RABGEF1: variants seen among roughly 807,000 people sequenced by gnomAD.
The protein encoded by RABGEF1 is rab5 GDP/GTP exchange factor.
In RABGEF1, 26 loss-of-function variants were observed where a neutral mutation model predicts 57.3. The ratio of observed to expected loss-of-function variants is 0.45; its 90% CI spans 0.33 to 0.63. The LOEUF (loss-of-function observed/expected upper bound fraction) is 0.63, where lower values mean the gene tolerates loss of function less well. RABGEF1 is among the 20% of genes least tolerant of loss of function. The pLI, the probability that RABGEF1 is intolerant of heterozygous loss-of-function variation, is 0.02. For missense variants in RABGEF1, 464 were observed against 607.6 expected, an observed-to-expected ratio of 0.76 and a Z score of 2.48; for synonymous variants, 185 against 210.7, an observed-to-expected ratio of 0.88 and a Z score of 1.06.
intron 2 of RABGEF1, among the ~76,000 whole-genome samples, chr7:66,729,300 C>T (rs1420252956): frequency 3.3e-5 from 5 of 151,980 alleles, no homozygotes; most frequent in African/African-American, 1.2e-4. Context: ...CCTCCATCCT[C>T]CCCTCCATTC....
chr7:66,655,940 C>G, the RABGEF1 span, among the ~76,000 whole-genome samples: 1 of 152,114 alleles, frequency 6.6e-6, no homozygotes, highest in Non-Finnish European at 1.5e-5. Context: ...GGAGTGTGAG[C>G]TAAGATGGAG....
upstream of RABGEF1, among the ~76,000 whole-genome samples, chr7:66,678,564 CAAAAAAAAAAA>C (rs58309880): frequency 1.2e-5 from 1 of 86,196 alleles, no homozygotes; most frequent in African/African-American, 4.7e-5. Context: ...GAGTCCGTCT[CAAAAAAAAAAA>C]AAAAAAAAAG....
At chr7:66,688,085 CAA>C (rs60925853) in intron 1 of RABGEF1, among the ~76,000 whole-genome samples, 25,525 of 108,606 alleles carry the variant, frequency 0.24, 2,147 homozygotes, top group Middle Eastern at 0.3. Flanking sequence ...AACTCTGTGT[CAA>C]AAAAAAAAAA....
Position 66,795,518 on chromosome 7 carries a change from G to A in RABGEF1, c.521G>A (p.Ser174Asn). Reference protein sequence around the residue: ...LEGMHYKRDLSIEEQSECAQD... With the variant: ...LEGMHYKRDLNIEEQSECAQD... ...TTTGTCTCTCTGTTTCAGGATCTAAGCATTGAAGAACAGTCAGAGTGTGCT... is the reference window on the plus strand; with the variant it reads ...TTTGTCTCTCTGTTTCAGGATCTAAACATTGAAGAACAGTCAGAGTGTGCT... The change falls in exon 5 of 9, where the codon AGC becomes AAC. Residue 174 changes from serine (S) to asparagine (N), a missense_variant. This residue lies in a region of RABGEF1 where 284 missense variants were observed against 389.9 expected (regional missense o/e 0.73). Coordinates refer to ENST00000284957, the MANE Select transcript of RABGEF1 (RefSeq NM_014504.3). The A allele has an allele frequency of 2.5e-6, 4 of 1,608,838 alleles. No individual in the cohort carries two copies. Among genetic ancestry groups the A allele is most frequent in the Non-Finnish European group, 2.6e-6 (3 of 1,175,236 alleles).
At chr7:66,685,854 A>G (rs559954984) in intron 1 of RABGEF1, among the ~76,000 whole-genome samples, 153 of 152,270 alleles carry the variant, frequency 1.0e-3, no homozygotes, top group African/African-American at 3.4e-3. Flanking sequence ...GTGGGGTTTT[A>G]TTGGCTGCAG....
intron 1 of RABGEF1, among the ~76,000 whole-genome samples, chr7:66,741,887 C>G (rs1050936107): frequency 1.3e-5 from 2 of 151,866 alleles, no homozygotes; most frequent in African/African-American, 4.8e-5. Context: ...TCTGTAATCC[C>G]AGCATTTGGA....
chr7:66,683,903 G>T (rs1325462738), intron 1 of RABGEF1, among the ~76,000 whole-genome samples: 1 of 152,086 alleles, frequency 6.6e-6, no homozygotes, highest in Non-Finnish European at 1.5e-5. Context: ...GCCACACCCA[G>T]CTGATTTTTA....
rs762079350 is a variant in RABGEF1 at position 66,734,723 on chromosome 7, G to A, written c.-814-5273G>A. 1.6e-3 allele frequency among the ~76,000 whole-genome samples: 246 copies of A among 151,422 alleles called. 2 individuals are homozygous for A. The highest frequency in any genetic ancestry group is 1.1e-3 in the Non-Finnish European group (74 of 67,900). On this transcript the variant is annotated intron_variant and NMD_transcript_variant, in intron 2 of 9. Coordinates refer to the RABGEF1 transcript ENST00000607882. ...GCTGGGATTACAGGTGTGAGCCACCGTGCCTGGCCCCAAAGGAGCACTCCT... is the reference window on the plus strand; with the variant it reads ...GCTGGGATTACAGGTGTGAGCCACCATGCCTGGCCCCAAAGGAGCACTCCT...
At chr7:66,777,532 T>G (rs924577310) in intron 3 of RABGEF1, among the ~76,000 whole-genome samples, 3 of 152,154 alleles carry the variant, frequency 2.0e-5, no homozygotes, top group South Asian at 2.1e-4. Flanking sequence ...CTCTCCTTGG[T>G]GGTTTTAAAA....
intron 3 of RABGEF1, among the ~76,000 whole-genome samples, chr7:66,783,067 C>T (rs557716975): frequency 6.6e-6 from 1 of 152,294 alleles, no homozygotes; most frequent in African/African-American, 2.4e-5. Flanking sequence ...TAGTGTAGTG[C>T]ATGTTTCCCT....
intron 1 of RABGEF1, among the ~76,000 whole-genome samples, chr7:66,750,237 CTT>C (rs1801112847): frequency 1.3e-5 from 2 of 152,288 alleles, no homozygotes; most frequent in South Asian, 4.1e-4. Context: ...TGAATGGACA[CTT>C]TTTAATACCA....
intron 2 of RABGEF1, among the ~76,000 whole-genome samples, chr7:66,720,194 A>ATTTTTT (rs58442880): frequency 1.5e-5 from 2 of 134,328 alleles, no homozygotes; most frequent in African/African-American, 5.7e-5. Context: ...TATTATTATT[A>ATTTTTT]TTTTTTTTTT....
intron 1 of RABGEF1, among the ~76,000 whole-genome samples, chr7:66,747,245 A>G (rs1360186057): frequency 6.6e-6 from 1 of 152,226 alleles, no homozygotes; most frequent in East Asian, 1.9e-4. Context: ...GTAAAATATT[A>G]CACACTGAGA....
intron 1 of RABGEF1, among the ~76,000 whole-genome samples, chr7:66,686,539 T>C (rs1345466461): frequency 1.3e-5 from 2 of 152,222 alleles, no homozygotes; most frequent in African/African-American, 4.8e-5. Context: ...ACTTTTATCA[T>C]AGAGCACTGT....
At chr7:66,683,629 G>T (rs1157773517) in intron 1 of RABGEF1, among the ~76,000 whole-genome samples, 3 of 152,172 alleles carry the variant, frequency 2.0e-5, no homozygotes, top group African/African-American at 7.2e-5. Context: ...AATACTTTCT[G>T]CATGTGTCTT....
upstream of RABGEF1, among the ~76,000 whole-genome samples, chr7:66,739,196 C>T (rs1383727793): frequency 3.3e-5 from 5 of 151,728 alleles, no homozygotes; most frequent in African/African-American, 7.3e-5. Context: ...GTGATCTGCC[C>T]GCCTCGGCTT....
the RABGEF1 span, among the ~76,000 whole-genome samples, chr7:66,671,232 G>C: frequency 6.6e-6 from 1 of 152,134 alleles, no homozygotes; most frequent in Admixed American, 6.6e-5. Flanking sequence ...TGTAGTGGCT[G>C]TTCACCAGTG....
chr7:66,806,942 C>T (rs1241126075), intron 8 of RABGEF1, among the ~76,000 whole-genome samples: 1 of 152,134 alleles, frequency 6.6e-6, no homozygotes, highest in Non-Finnish European at 1.5e-5. Context: ...CCGCACCTGG[C>T]CTCATATTTC....
chr7:66,765,282 CTG>C, intron 1 of RABGEF1, among the ~76,000 whole-genome samples: 1 of 152,124 alleles, frequency 6.6e-6, no homozygotes, highest in African/African-American at 2.4e-5. Flanking sequence ...GGACTGATCT[CTG>C]TGATTTCATG....
Sources: gnomAD v4.1 joint callset for allele counts (sites outside exome capture counted in the v4.1 genomes callset) on GRCh38, gnomAD v4.1.1 for gene constraint, gnomAD v4.1.1 regional missense constraint, MANE v1.5 for transcripts, NCBI Gene and HGNC (gene_info 2026-07-23, HGNC 2026-07-21) for gene names.